Variants in CIROZ observed in about 807,000 individuals in gnomAD.
CIROZ encodes the protein ciliated left-right organizer ZP-N domains-containing protein.
chr1:10,947,573 C>G, the CIROZ span: 2 of 1,147,884 alleles, frequency 1.7e-6, no homozygotes, highest in Non-Finnish European at 2.3e-6. Context: ...CCAGCCCCCA[C>G]CTCCAGGCCG....
At chr1:10,973,479 G>C in the CIROZ span, among the ~76,000 whole-genome samples, 1 of 152,204 alleles carries the variant, frequency 6.6e-6, no homozygotes, top group Non-Finnish European at 1.5e-5. Context: ...GGATAGGAAG[G>C]CTCAGGAGCT....
the CIROZ span, among the ~76,000 whole-genome samples, chr1:10,975,866 G>A: frequency 3.4e-5 from 5 of 148,424 alleles, no homozygotes; most frequent in Non-Finnish European, 4.4e-5. Context: ...AGACAGGCCC[G>A]GCACACGACA....
At chr1:10,960,856 C>T in the CIROZ span, among the ~76,000 whole-genome samples, 1 of 150,824 alleles carries the variant, frequency 6.6e-6, no homozygotes, top group Non-Finnish European at 1.5e-5. The surrounding 1 kb of genome is among the most constrained non-coding windows in gnomAD (Gnocchi z 4.6). Context: ...GTGGCGGCTG[C>T]AGAAGTCACC....
chr1:10,954,875 G>A, the CIROZ span: 34 of 1,155,304 alleles, frequency 2.9e-5, no homozygotes, highest in African/African-American at 2.8e-4. Context: ...TTACAGGCAC[G>A]AGCCACTGTG....
the CIROZ span, among the ~76,000 whole-genome samples, chr1:10,970,692 G>A: frequency 2.4e-4 from 37 of 151,672 alleles, no homozygotes; most frequent in Non-Finnish European, 1.8e-4. Flanking sequence ...GATTCAGTAG[G>A]TCTAAGGCGG....
At chr1:10,953,548 C>G in the CIROZ span, among the ~76,000 whole-genome samples, 2 of 152,170 alleles carry the variant, frequency 1.3e-5, no homozygotes, top group Non-Finnish European at 2.9e-5. Context: ...ACCAAATGAC[C>G]GGAGGAACTG....
chr1:10,947,542 G>T, the CIROZ span: 1 of 844,700 alleles, frequency 1.2e-6, no homozygotes, highest in South Asian at 3.4e-5. Context: ...GAGCACCGGG[G>T]CTTCCCTGGA....
the CIROZ span, among the ~76,000 whole-genome samples, chr1:10,960,563 C>CTT: frequency 6.6e-6 from 1 of 152,246 alleles, no homozygotes. The surrounding 1 kb of genome is among the most constrained non-coding windows in gnomAD (Gnocchi z 4.6). Context: ...CTAATCACTG[C>CTT]ATTGAGTTTA....
At chr1:10,978,269 A>C in the CIROZ span, among the ~76,000 whole-genome samples, 2 of 150,530 alleles carry the variant, frequency 1.3e-5, no homozygotes, top group Admixed American at 1.3e-4. Context: ...GGCTGGTCTC[A>C]AACTCCTAAG....
At chr1:10,976,252 C>A in the CIROZ span, 2 of 1,535,534 alleles carry the variant, frequency 1.3e-6, no homozygotes, top group East Asian at 2.4e-5. Context: ...GCAAGCCAGA[C>A]GGCCCTGCGG....
At chr1:10,948,182 G>A in the CIROZ span, 2 of 1,613,816 alleles carry the variant, frequency 1.2e-6, no homozygotes, top group Admixed American at 3.3e-5. Context: ...GCCCCTCTAT[G>A]TCCTGGCTTG....
At chr1:10,968,393 A>C in the CIROZ span, among the ~76,000 whole-genome samples, 1 of 152,224 alleles carries the variant, frequency 6.6e-6, no homozygotes, top group South Asian at 2.1e-4. Context: ...CTATTCCAGA[A>C]AACAGCTCTG....
the CIROZ span, chr1:10,981,883 C>T: frequency 4.3e-6 from 5 of 1,165,556 alleles, no homozygotes; most frequent in East Asian, 7.7e-5. Context: ...GCCCCTCACC[C>T]ATTTGGCCCC....
the CIROZ span, chr1:10,949,602 G>C: frequency 6.3e-7 from 1 of 1,588,046 alleles, no homozygotes; most frequent in Non-Finnish European, 8.6e-7. Flanking sequence ...ACCATGGGCA[G>C]AGGATGCAGC....
chr1:10,951,085 C>T, the CIROZ span, among the ~76,000 whole-genome samples: 1 of 152,202 alleles, frequency 6.6e-6, no homozygotes, highest in Non-Finnish European at 1.5e-5. Context: ...TGTCCCGCCG[C>T]TGACATTCCC....
the CIROZ span, among the ~76,000 whole-genome samples, chr1:10,962,355 G>A: frequency 6.6e-6 from 1 of 152,156 alleles, no homozygotes; most frequent in Non-Finnish European, 1.5e-5. Flanking sequence ...GCTGAGGCAG[G>A]AGAATCACTT....
chr1:10,972,420 TACACACACACACACACACACACAC>T, the CIROZ span, among the ~76,000 whole-genome samples: 1 of 131,724 alleles, frequency 7.6e-6, no homozygotes, highest in Non-Finnish European at 1.6e-5. Flanking sequence ...GTCTCTGAAA[TACACACACACACACACACACACAC>T]ACACACACAC....
chr1:10,976,276 G>T, the CIROZ span: 48 of 1,502,822 alleles, frequency 3.2e-5, no homozygotes, highest in South Asian at 3.6e-5. Context: ...AGGAGGGAAG[G>T]GGGTGGGGAC....
At chr1:10,958,817 G>A in the CIROZ span, 1 of 1,569,020 alleles carries the variant, frequency 6.4e-7, no homozygotes. Context: ...AAACATCCCT[G>A]CCTGTGCCCA....
Sources: allele counts gnomAD v4.1 joint callset (sites outside exome capture counted in the v4.1 genomes callset), GRCh38; gene constraint gnomAD v4.1.1; non-coding constraint Gnocchi (gnomAD v3.1); transcripts MANE v1.5; gene names NCBI Gene and HGNC (gene_info 2026-07-23, HGNC 2026-07-21).